Variants in ACTR3C observed in about 807,000 individuals in gnomAD.
ACTR3C encodes the protein actin related protein 3C.
Under a neutral mutation model 26.3 loss-of-function variants are expected in ACTR3C, and 18 were observed. That is an observed-to-expected ratio of 0.68 (90% CI 0.47 to 1.01). The LOEUF is 1.01. Among genes scored for constraint, ACTR3C ranks in the 50% least tolerant of loss-of-function variants. ACTR3C has a pLI of 0.00. For synonymous variants in ACTR3C, 55 were observed against 94.5 expected (o/e 0.58, Z 2.42); for missense variants, 184 against 250.7 (o/e 0.73, Z 1.80).
chr7:149,980,105 C>T, the ACTR3C span, among the ~76,000 whole-genome samples: 7 of 152,094 alleles, frequency 4.6e-5, no homozygotes, highest in Non-Finnish European at 7.4e-5. Flanking sequence ...ATTAAACAAA[C>T]ATTTGGCTTG....
chr7:150,273,680 A>T (rs1306746496), intron 6 of ACTR3C, among the ~76,000 whole-genome samples: 1 of 151,454 alleles, frequency 6.6e-6, no homozygotes, highest in Admixed American at 6.6e-5. Flanking sequence ...AAGATTATAG[A>T]GTTGGTCTTC....
At chr7:150,177,045 T>C in the ACTR3C span, among the ~76,000 whole-genome samples, 4 of 150,674 alleles carry the variant, frequency 2.7e-5, no homozygotes, top group Non-Finnish European at 5.9e-5. Context: ...AAGAAGATTA[T>C]ATATTGTCTC....
At chr7:149,905,968 G>A in the ACTR3C span, among the ~76,000 whole-genome samples, 4 of 152,022 alleles carry the variant, frequency 2.6e-5, no homozygotes, top group Non-Finnish European at 4.4e-5. Context: ...TAGCAGATAC[G>A]CATAAGGAAA....
the ACTR3C span, among the ~76,000 whole-genome samples, chr7:150,088,869 T>A: frequency 6.6e-6 from 1 of 152,180 alleles, no homozygotes; most frequent in African/African-American, 2.4e-5. Context: ...TTTCTAGAAC[T>A]AAGCTTCCTG....
At chr7:150,022,316 A>T in the ACTR3C span, among the ~76,000 whole-genome samples, 1 of 150,642 alleles carries the variant, frequency 6.6e-6, no homozygotes, top group African/African-American at 2.5e-5. Context: ...TGATGGGATT[A>T]TTTGTTTTTT....
chr7:150,131,465 T>G, the ACTR3C span, among the ~76,000 whole-genome samples: 1 of 151,790 alleles, frequency 6.6e-6, no homozygotes, highest in Non-Finnish European at 1.5e-5. Flanking sequence ...CGAACAAAAC[T>G]GTCAAAATCA....
At chr7:150,032,349 G>C in the ACTR3C span, among the ~76,000 whole-genome samples, 1 of 152,170 alleles carries the variant, frequency 6.6e-6, no homozygotes, top group South Asian at 2.1e-4. Context: ...GACGCTGCAA[G>C]GTCTGCAGAA....
the ACTR3C span, among the ~76,000 whole-genome samples, chr7:150,134,346 G>A: frequency 6.6e-6 from 1 of 152,146 alleles, no homozygotes; most frequent in South Asian, 2.1e-4. Flanking sequence ...TAAAGGGCTG[G>A]GGAGACAGCA....
chr7:149,906,425 T>C, the ACTR3C span, among the ~76,000 whole-genome samples: 2,986 of 24,490 alleles, frequency 0.12, 162 homozygotes, highest in African/African-American at 0.17. Context: ...TTTTTTTTTT[T>C]TTTTTTTTTT....
intron 6 of ACTR3C, among the ~76,000 whole-genome samples, chr7:150,252,237 GAAGTTCTTACTTTC>G (rs148714522): frequency 0.013 from 1,913 of 152,178 alleles, 14 homozygotes; most frequent in Non-Finnish European, 0.019. Flanking sequence ...ATGTATTTCT[GAAGTTCTTACTTTC>G]ATCAGCATTT....
the ACTR3C span, among the ~76,000 whole-genome samples, chr7:150,039,104 G>A: frequency 6.7e-6 from 1 of 150,058 alleles, no homozygotes; most frequent in East Asian, 2.0e-4. Flanking sequence ...CAGTCCTCCA[G>A]GTGGGTCCTA....
the ACTR3C span, among the ~76,000 whole-genome samples, chr7:149,985,575 G>C: frequency 2.0e-5 from 3 of 152,302 alleles, no homozygotes; most frequent in Admixed American, 1.3e-4. Context: ...GCCGGGAGTG[G>C]GCACCACCCA....
intron 4 of ACTR3C, among the ~76,000 whole-genome samples, chr7:150,288,706 C>T (rs537822356): frequency 2.8e-4 from 41 of 147,216 alleles, no homozygotes; most frequent in Non-Finnish European, 5.5e-4. Flanking sequence ...CCTCAGGAAA[C>T]CTTCCCCTGA....
the ACTR3C span, chr7:150,073,587 CTT>C: frequency 1.3e-5 from 2 of 148,202 alleles, no homozygotes; most frequent in Non-Finnish European, 3.0e-5. Context: ...CAACAAATCT[CTT>C]TTGCATTATT....
At chr7:149,986,418 G>A in the ACTR3C span, among the ~76,000 whole-genome samples, 31,233 of 152,024 alleles carry the variant, frequency 0.21, 3,995 homozygotes, top group South Asian at 0.31. Flanking sequence ...TGTATTCACC[G>A]CGAGGTAAGT....
the ACTR3C span, among the ~76,000 whole-genome samples, chr7:149,917,234 C>T: frequency 0.93 from 141,762 of 152,082 alleles, 66,911 homozygotes; most frequent in East Asian, 1. Flanking sequence ...CGCCACTACG[C>T]CCAGCTAATT....
chr7:150,279,692 A>C (rs933426754), intron 6 of ACTR3C, among the ~76,000 whole-genome samples: 6 of 151,510 alleles, frequency 4.0e-5, no homozygotes, highest in African/African-American at 1.5e-4. Flanking sequence ...CTGTCCACCC[A>C]CCCCCAGCTC....
the ACTR3C span, among the ~76,000 whole-genome samples, chr7:150,217,003 G>T: frequency 6.8e-6 from 1 of 146,730 alleles, no homozygotes; most frequent in Non-Finnish European, 1.5e-5. Context: ...AAAAAAAGAG[G>T]CTGTGGTACA....
At chr7:150,241,573 A>G, downstream of ACTR3C, among the ~76,000 whole-genome samples, 1 of 152,202 alleles carries the variant, frequency 6.6e-6, no homozygotes, top group East Asian at 1.9e-4. Context: ...CTTTGCAAAC[A>G]TGAGACCGGC....
Sources: allele counts gnomAD v4.1 joint callset (sites outside exome capture counted in the v4.1 genomes callset), GRCh38; gene constraint gnomAD v4.1.1; transcripts MANE v1.5; gene names NCBI Gene and HGNC (gene_info 2026-07-23, HGNC 2026-07-21).